Variants in RNF157 observed in about 807,000 individuals in gnomAD.
RNF157 encodes the protein ring finger protein 157.
RNF157 carries 55 observed loss-of-function variants against 88.3 expected under a neutral mutation model. The ratio of observed to expected loss-of-function variants is 0.62; its 90% CI spans 0.50 to 0.78. RNF157 has a LOEUF of 0.78. Among genes scored for constraint, RNF157 ranks in the 30% least tolerant of loss-of-function variants. The probability of loss-of-function intolerance (pLI) is 0.00; values close to 1 mark genes in which losing one functional copy is unlikely to be tolerated. For synonymous variants in RNF157, 334 were observed against 341.2 expected (o/e 0.98, Z 0.23); for missense variants, 788 against 860.8 (o/e 0.92, Z 1.06).
At chr17:76,152,501 CTG>C in intron 17 of RNF157, 36 bp from the exon 18 acceptor site, 2 of 1,305,330 alleles carry the variant, frequency 1.5e-6, no homozygotes, top group Middle Eastern at 1.8e-4. Flanking sequence ...GAGGGGCTGG[CTG>C]TGTTTTTCTC....
intron 1 of RNF157, among the ~76,000 whole-genome samples, chr17:76,213,588 T>C (rs1030493331): frequency 0.01 from 1,379 of 133,870 alleles, 39 homozygotes; most frequent in African/African-American, 0.039. Context: ...AAAAAAAAAA[T>C]GCTTGGAATA....
intron 2 of RNF157, among the ~76,000 whole-genome samples, chr17:76,191,788 T>C (rs2144946512): frequency 6.6e-6 from 1 of 152,016 alleles, no homozygotes; most frequent in African/African-American, 2.4e-5. Context: ...AATATTAAAA[T>C]GTAAAGATAA....
intron 2 of RNF157, among the ~76,000 whole-genome samples, chr17:76,199,409 A>G (rs888413362): frequency 5.9e-5 from 9 of 151,918 alleles, no homozygotes; most frequent in Non-Finnish European, 8.8e-5. Flanking sequence ...GGCACGCTCC[A>G]TCATACACAG....
At chr17:76,167,490 T>C (rs2144857780) in intron 4 of RNF157, among the ~76,000 whole-genome samples, 161 bp downstream of exon 4, 1 of 152,324 alleles carries the variant, frequency 6.6e-6, no homozygotes, top group East Asian at 1.9e-4. Context: ...AAAAGAATGT[T>C]TTCCGCCCTT....
intron 2 of RNF157, among the ~76,000 whole-genome samples, chr17:76,210,534 G>A (rs577626835): frequency 1.6e-5 from 2 of 123,684 alleles, no homozygotes; most frequent in South Asian, 2.7e-4. Flanking sequence ...AGCTTTCAGT[G>A]AGCCAAGATC....
At position 76,145,501 on chromosome 17, in the gene RNF157, T is replaced by C. The variant is rs958295015; in HGVS notation, c.1922-148A>G. 6 of 603,950 alleles carry C rather than the reference T, an allele frequency of 9.9e-6. No homozygotes were observed. In the African/African-American group the frequency reaches 1.1e-4, roughly 11 times the overall value. 37.4% of individuals were successfully genotyped at this position (603,950 alleles called of 1,614,324 possible). ...ATGACGGTGCGAGCCACAGCACTCG[T>C]GTGTGAGAACGGAGAGAAGCAGGTG... On this transcript the variant is annotated intron_variant, in intron 18 of 18. Transcript: ENST00000269391.
chr17:76,201,543 G>A (rs2069578700), intron 2 of RNF157, among the ~76,000 whole-genome samples: 1 of 151,926 alleles, frequency 6.6e-6, no homozygotes. Context: ...TAGAAAATAT[G>A]AATTAAGAAG....
chr17:76,216,271 T>C (rs2069886720), intron 1 of RNF157, among the ~76,000 whole-genome samples: 2 of 152,052 alleles, frequency 1.3e-5, no homozygotes, highest in Non-Finnish European at 2.9e-5. Context: ...AATCCATGGA[T>C]GATTGGCTTA....
At chr17:76,166,940 G>A in intron 5 of RNF157, 69 bp downstream of exon 5, 1 of 1,039,288 alleles carries the variant, frequency 9.6e-7, no homozygotes, top group East Asian at 2.4e-5. Flanking sequence ...TTTGCTGTCA[G>A]ACCGAGTCCT....
At chr17:76,175,670 A>T in intron 2 of RNF157, 1 of 714,658 alleles carries the variant, frequency 1.4e-6, no homozygotes, top group Non-Finnish European at 1.7e-6. Context: ...TGACTTTGGG[A>T]TTAAAATTTT....
chr17:76,226,623 G>A, intron 1 of RNF157: 1 of 1,613,226 alleles, frequency 6.2e-7, no homozygotes, highest in South Asian at 1.1e-5. Flanking sequence ...TCCACAGTCA[G>A]CCATTCGGAG....
intron 2 of RNF157, among the ~76,000 whole-genome samples, chr17:76,210,520 G>A (rs1008515267): frequency 5.7e-5 from 7 of 123,464 alleles, no homozygotes; most frequent in African/African-American, 2.2e-4. Flanking sequence ...AACCCGGGAG[G>A]CAGAGCTTTC....
intron 2 of RNF157, among the ~76,000 whole-genome samples, chr17:76,208,619 C>T (rs1343288749): frequency 6.6e-6 from 1 of 152,174 alleles, no homozygotes; most frequent in East Asian, 1.9e-4. Context: ...CTCTATACTA[C>T]ATTTTTATGC....
chr17:76,155,707 G>T lies in RNF157; in HGVS notation c.1553C>A (p.Ser518Tyr). The change falls in exon 15 of 19, where the codon TCT becomes TAT. Residue 518 changes from serine to tyrosine, a missense_variant. By Grantham distance (144) the Ser-to-Tyr change is moderately radical. Coordinates refer to ENST00000269391, the MANE Select transcript of RNF157 (RefSeq NM_052916.3). Reference sequence around the variant, plus strand: ...CTGGGAGGATGCCATGGACATGACAGACTGGGCCAAGCTGCTGCTGGCAGG... The same window carrying T: ...CTGGGAGGATGCCATGGACATGACATACTGGGCCAAGCTGCTGCTGGCAGG... ...EGPASSSLAQ[S>Y]VMSMASSQIS... is the part of the protein sequence containing the mutation. The T allele has an allele frequency of 6.3e-7, 1 of 1,598,470 alleles. No homozygotes were observed. The highest frequency in any genetic ancestry group is 8.5e-7 in the Non-Finnish European group (1 of 1,172,540).
chr17:76,192,083 G>T (rs1017376085), intron 2 of RNF157, among the ~76,000 whole-genome samples: 1 of 152,190 alleles, frequency 6.6e-6, no homozygotes, highest in African/African-American at 2.4e-5. Flanking sequence ...GTCAGATGGG[G>T]TGCACAATGA....
At chr17:76,193,605 T>C (rs537855573) in intron 2 of RNF157, among the ~76,000 whole-genome samples, 1 of 151,696 alleles carries the variant, frequency 6.6e-6, no homozygotes, top group East Asian at 1.9e-4. Context: ...TCTGAGATTC[T>C]CGGTTTAGGA....
At chr17:76,156,158 G>A (rs2068759566) in intron 14 of RNF157, 52 bp downstream of exon 14, 1 of 1,398,044 alleles carries the variant, frequency 7.2e-7, no homozygotes, top group Admixed American at 1.7e-5. Flanking sequence ...CCAGGACACT[G>A]TGGGCTGGGT....
At chr17:76,234,243 T>C (rs889587015) in intron 1 of RNF157, among the ~76,000 whole-genome samples, 3 of 152,274 alleles carry the variant, frequency 2.0e-5, no homozygotes, top group African/African-American at 7.2e-5. Context: ...TAATATTCTA[T>C]TGTGCAGACT....
Position 76,155,580 on chromosome 17 carries a change from G to T in RNF157, c.1680C>A (p.Ala560=). The T allele has an allele frequency of 6.2e-7, 1 of 1,612,478 alleles. No individual in the cohort carries two copies. The highest frequency in any genetic ancestry group is 8.5e-7 in the Non-Finnish European group (1 of 1,179,564). The change falls in exon 15 of 19, where the codon GCC becomes GCA. Residue 560 remains alanine, a synonymous_variant. Coordinates refer to ENST00000269391, the MANE Select transcript of RNF157 (RefSeq NM_052916.3). ...ALSSPQPASR[A]PSEEGEGLPA... ...CCCTTACCTCTCCTTCTTCTGAGGGGGCCCTGCTGGCAGGCTGGGGGGAAG... is the reference window on the plus strand; with the variant it reads ...CCCTTACCTCTCCTTCTTCTGAGGGTGCCCTGCTGGCAGGCTGGGGGGAAG...
Sources: gnomAD v4.1 joint callset for allele counts (sites outside exome capture counted in the v4.1 genomes callset) on GRCh38, gnomAD v4.1.1 for gene constraint, MANE v1.5 for transcripts, NCBI Gene and HGNC (gene_info 2026-07-23, HGNC 2026-07-21) for gene names.